VWC2: variants seen among roughly 807,000 people sequenced by gnomAD.
VWC2 encodes von Willebrand factor C domain containing 2.
In VWC2, 14 loss-of-function variants were observed where a neutral mutation model predicts 29.8. The observed-to-expected ratio is 0.47, with a 90% confidence interval of 0.31 to 0.74. The LOEUF is 0.74. VWC2 is among the 30% of genes least tolerant of loss of function. VWC2 has a pLI of 0.05. For synonymous variants in VWC2, 213 were observed against 199.0 expected, an observed-to-expected ratio of 1.07 and a Z score of -0.59; for missense variants, 457 against 459.8, an observed-to-expected ratio of 0.99 and a Z score of 0.05.
chr7:49,920,575 A>G lies in VWC2; in HGVS notation c.*8390A>G. 6.6e-6 allele frequency: 1 copy of G among 152,214 alleles called. No individual in the cohort carries two copies. The highest frequency in any genetic ancestry group is 1.9e-4 in the East Asian group (1 of 5,192). 9.4% of individuals were successfully genotyped at this position (152,214 alleles called of 1,614,324 possible). A position where few individuals can be genotyped will look rare whatever the true frequency, so the allele number is the denominator to read the frequency against. On this transcript the variant is annotated 3_prime_UTR_variant, in exon 4 of 4. Transcript: ENST00000340652. Reference sequence around the variant, plus strand: ...CCTAAGCAGTGAAGGATGTAAGGGAACAGAGAGAGACTCTGCTTGGCCGAG... The same window carrying G: ...CCTAAGCAGTGAAGGATGTAAGGGAGCAGAGAGAGACTCTGCTTGGCCGAG...
chr7:49,865,628 ACT>A (rs945305224), intron 3 of VWC2, among the ~76,000 whole-genome samples: 2 of 152,006 alleles, frequency 1.3e-5, no homozygotes, highest in African/African-American at 2.4e-5. Context: ...TATTTTTGAG[ACT>A]CTGTTTGTAT....
At chr7:49,811,922 A>G (rs1789019924) in intron 3 of VWC2, among the ~76,000 whole-genome samples, 1 of 152,348 alleles carries the variant, frequency 6.6e-6, no homozygotes, top group East Asian at 1.9e-4. Flanking sequence ...AGTGGAAATA[A>G]TGCAAATGTT....
At chr7:49,794,103 G>A (rs908577635) in intron 2 of VWC2, among the ~76,000 whole-genome samples, 7 of 152,184 alleles carry the variant, frequency 4.6e-5, no homozygotes, top group African/African-American at 1.7e-4. Flanking sequence ...TGGAAGAGAA[G>A]CAAGAATTTC....
chr7:49,856,620 G>A (rs1443277624), intron 3 of VWC2, among the ~76,000 whole-genome samples: 3 of 152,292 alleles, frequency 2.0e-5, no homozygotes, highest in Admixed American at 1.3e-4. Flanking sequence ...AATTTGGTGA[G>A]TTTGGACATA....
intron 3 of VWC2, among the ~76,000 whole-genome samples, chr7:49,844,715 G>A (rs569627815): frequency 2.6e-5 from 4 of 151,848 alleles, no homozygotes; most frequent in Non-Finnish European, 2.9e-5. Flanking sequence ...TTTTTGAGAC[G>A]GAGTTTGGCT....
intron 3 of VWC2, among the ~76,000 whole-genome samples, chr7:49,908,035 C>T (rs1793201566): frequency 6.6e-6 from 1 of 152,196 alleles, no homozygotes; most frequent in Non-Finnish European, 1.5e-5. Flanking sequence ...AAAAGACAGC[C>T]TTGCAGGGCC....
intron 3 of VWC2, among the ~76,000 whole-genome samples, chr7:49,852,498 T>G (rs143362205): frequency 1.5e-4 from 23 of 152,318 alleles, no homozygotes; most frequent in African/African-American, 5.5e-4. Flanking sequence ...ATCTTTAAAC[T>G]AACCTTTATA....
At chr7:49,890,109 T>C (rs1792067805) in intron 3 of VWC2, among the ~76,000 whole-genome samples, 1 of 152,174 alleles carries the variant, frequency 6.6e-6, no homozygotes. Flanking sequence ...TTAACACCCA[T>C]ACATCTCCTT....
chr7:49,805,870 T>C (rs1490412010), intron 3 of VWC2, among the ~76,000 whole-genome samples: 2 of 152,254 alleles, frequency 1.3e-5, no homozygotes, highest in African/African-American at 4.8e-5. Context: ...TAGCATTAAA[T>C]AGCTCTTTCT....
chr7:49,849,307 C>A (rs971188372), intron 3 of VWC2, among the ~76,000 whole-genome samples: 1 of 152,134 alleles, frequency 6.6e-6, no homozygotes, highest in African/African-American at 2.4e-5. Flanking sequence ...TAAATCTGCT[C>A]AAAAGTAATT....
chr7:49,790,679 G>T (rs1788445731), intron 2 of VWC2, among the ~76,000 whole-genome samples: 1 of 151,860 alleles, frequency 6.6e-6, no homozygotes, highest in African/African-American at 2.4e-5. Context: ...ACATCACATG[G>T]CAGGGCACCT....
chr7:49,840,715 G>C (rs1049379850), intron 3 of VWC2, among the ~76,000 whole-genome samples: 3 of 152,126 alleles, frequency 2.0e-5, no homozygotes, highest in East Asian at 1.9e-4. Context: ...ATAAAAAGCC[G>C]ATTATTCACT....
rs34971813 is a variant in VWC2 at position 49,788,692 on chromosome 7, GGTGTGT to G, written c.696+12569_696+12574del. ...GAGTCTGTGAGTGTGGGTGTGTGAG[GGTGTGT>G]GTGTGTGAGAGGATGTATGGGTGTG... is the stretch of plus-strand genomic sequence containing the variant. On this transcript the variant is annotated intron_variant, in intron 2 of 3. Transcript: ENST00000340652. 1.8e-3 allele frequency among the ~76,000 whole-genome samples: 264 copies of G among 143,540 alleles called. 3 individuals carry two copies. Among genetic ancestry groups the G allele is most frequent in the African/African-American group, 6.8e-3 (255 of 37,532 alleles). 94.2% of individuals were successfully genotyped at this position (143,540 alleles called of 152,430 possible).
intron 2 of VWC2, among the ~76,000 whole-genome samples, chr7:49,788,883 G>A (rs1020910990): frequency 2.1e-5 from 3 of 144,976 alleles, no homozygotes; most frequent in Non-Finnish European, 3.0e-5. Context: ...GGGTGTGAGG[G>A]TGTGTGTGGA....
intron 3 of VWC2, among the ~76,000 whole-genome samples, chr7:49,877,726 T>C (rs1156601893): frequency 6.7e-6 from 1 of 150,320 alleles, no homozygotes; most frequent in Non-Finnish European, 1.5e-5. Flanking sequence ...TTTTACACTC[T>C]GGAGAGCCAC....
At chr7:49,784,870 T>A (rs1251294883) in intron 2 of VWC2, among the ~76,000 whole-genome samples, 1 of 152,130 alleles carries the variant, frequency 6.6e-6, no homozygotes, top group African/African-American at 2.4e-5. Context: ...TTCCAAGTAA[T>A]GTGACCTCAA....
intron 3 of VWC2, among the ~76,000 whole-genome samples, chr7:49,809,632 T>C (rs1485867924): frequency 6.6e-6 from 1 of 152,000 alleles, no homozygotes; most frequent in African/African-American, 2.4e-5. Flanking sequence ...AATGAGTTAA[T>C]ATCAGCAATC....
At position 49,852,345 on chromosome 7, in the gene VWC2, AAAG is replaced by A. The variant is rs201484560; in HGVS notation, c.826+49510_826+49512del. Among the ~76,000 whole-genome samples, 97 of 152,326 alleles carry A rather than the reference AAAG, an allele frequency of 6.4e-4. No individual in the cohort carries two copies. The East Asian group carries it at 0.017, about 27-fold the overall frequency. On this transcript the variant is annotated intron_variant, in intron 3 of 3. Transcript: ENST00000340652. Reference sequence around the variant, plus strand: ...CAGATGACATTGCAGGCTCTGGTTCAAAGAAGAGGCCTGGCAGGCATGAGCTGG... The same window carrying A: ...CAGATGACATTGCAGGCTCTGGTTCAAAGAGGCCTGGCAGGCATGAGCTGG...
intron 3 of VWC2, among the ~76,000 whole-genome samples, chr7:49,854,043 C>T (rs2128717665): frequency 6.6e-6 from 1 of 151,598 alleles, no homozygotes; most frequent in East Asian, 1.9e-4. Context: ...AGGACATGAA[C>T]TCATCCTTTT....
Sources: gnomAD v4.1 joint callset for allele counts (sites outside exome capture counted in the v4.1 genomes callset) on GRCh38, gnomAD v4.1.1 for gene constraint, MANE v1.5 for transcripts, NCBI Gene and HGNC (gene_info 2026-07-23, HGNC 2026-07-21) for gene names.